DNAJC11: variants seen among roughly 807,000 people sequenced by gnomAD.
DNAJC11 encodes the protein DnaJ heat shock protein family (Hsp40) member C11.
In DNAJC11, 15 loss-of-function variants were observed where a neutral mutation model predicts 78.6. That is an observed-to-expected ratio of 0.19 (90% CI 0.13 to 0.29). The LOEUF (loss-of-function observed/expected upper bound fraction) is 0.29, where lower values mean the gene tolerates loss of function less well. DNAJC11 is among the 10% of genes least tolerant of loss of function. DNAJC11 has a pLI of 1.00. For synonymous variants in DNAJC11, 292 were observed against 272.1 expected, an observed-to-expected ratio of 1.07 and a Z score of -0.72; for missense variants, 547 against 709.6, an observed-to-expected ratio of 0.77 and a Z score of 2.60.
At chr1:6,656,824 G>A (rs2148735454) in intron 4 of DNAJC11, among the ~76,000 whole-genome samples, 1 of 152,002 alleles carries the variant, frequency 6.6e-6, no homozygotes, top group Admixed American at 6.6e-5. Context: ...TGGGAGGTGG[G>A]AGGATTCCTT....
chr1:6,680,844 G>A lies in DNAJC11; in HGVS notation c.202+64C>T, dbSNP rs1273667152. 8 of 1,582,400 alleles carry A rather than the reference G, an allele frequency of 5.1e-6. No individual in the cohort carries two copies. Among genetic ancestry groups the A allele is most frequent in the South Asian group, 2.3e-5 (2 of 88,086 alleles). ...TCTCTTTTTCTATCCTCTACAAATC[G>A]CACCTCCTAAAAATCGAATATCTGT... On this transcript the variant is annotated intron_variant, in intron 2 of 15. Coordinates refer to ENST00000377577, the MANE Select transcript of DNAJC11 (RefSeq NM_018198.4). This position sits in a 1 kb window ranked among gnomAD's most constrained non-coding sequence, Gnocchi z 4.0.
intron 4 of DNAJC11, among the ~76,000 whole-genome samples, chr1:6,664,742 A>C (rs1243261651): frequency 6.6e-6 from 1 of 152,190 alleles, no homozygotes; most frequent in African/African-American, 2.4e-5. Context: ...GTCTTTTCAC[A>C]ACTTGGCACA....
rs1402193771 is a variant in DNAJC11, at chr1:6,701,744, C to T, written c.57G>A (p.Leu19=). The change falls in exon 1 of 16, where the codon CTG becomes CTA. Residue 19 remains leucine (L), a synonymous_variant. Transcript: ENST00000377577. ...ELDNEDYYSL[L]NVRREASSEE... ...CTGGCCTCACCTCCCTGCGCACGTT[C>T]AGCAACGAGTAATAGTCTTCATTGT... 6.4e-6 allele frequency: 10 copies of T among 1,563,920 alleles called. No individual in the cohort carries two copies. The Middle Eastern group carries it at 1.0e-3, about 158-fold the overall frequency.
chr1:6,663,522 A>G (rs1642249590), intron 4 of DNAJC11, among the ~76,000 whole-genome samples: 2 of 152,242 alleles, frequency 1.3e-5, no homozygotes, highest in Non-Finnish European at 2.9e-5. Context: ...ACACTGTTAC[A>G]TGATCTTAAG....
At chr1:6,647,324 C>T (rs953124273) in intron 7 of DNAJC11, among the ~76,000 whole-genome samples, 1 of 151,846 alleles carries the variant, frequency 6.6e-6, no homozygotes, top group African/African-American at 2.4e-5. Flanking sequence ...CCCAGGTGAT[C>T]CACCTGCCTC....
Position 6,654,025 on chromosome 1 carries a change from A to G in DNAJC11, c.393T>C (p.Val131=), listed in dbSNP as rs779032147. The G allele has an allele frequency of 4.3e-6, 7 of 1,613,124 alleles. No homozygotes were observed. The Admixed American group carries it at 1.2e-4, about 27-fold the overall frequency. The change falls in exon 5 of 16, where the codon GTT becomes GTC. Residue 131 remains valine (V), a synonymous_variant. Coordinates refer to ENST00000377577, the MANE Select transcript of DNAJC11 (RefSeq NM_018198.4). The stretch of plus-strand genomic sequence containing the variant: ...CAAAAAGGTCGGTGGCATCTACTCC[A>G]ACGCTGATCGTTCCCTGGGGCAGAA... ...QRTNPKGTIS[V]GVDATDLFDR... is the part of the protein sequence containing the mutation.
intron 3 of DNAJC11, among the ~76,000 whole-genome samples, chr1:6,673,123 G>C (rs1296871360): frequency 6.8e-6 from 1 of 147,354 alleles, no homozygotes; most frequent in Non-Finnish European, 1.5e-5. Flanking sequence ...TTGAACCTAG[G>C]AGGCAGAGGT....
intron 1 of DNAJC11, among the ~76,000 whole-genome samples, chr1:6,688,325 CAAT>C (rs1443206852): frequency 6.6e-6 from 1 of 152,136 alleles, no homozygotes; most frequent in Non-Finnish European, 1.5e-5. Context: ...AAATTCCTTC[CAAT>C]AATAAGTTCC....
chr1:6,639,968 G>A lies in DNAJC11; in HGVS notation c.1187C>T (p.Pro396Leu). The change falls in exon 11 of 16, where the codon CCT (proline) becomes CTT (leucine). Residue 396 changes from proline (P) to leucine (L), a missense_variant. Pro to Leu is a moderately conservative substitution (Grantham distance 98). Coordinates refer to ENST00000377577, the MANE Select transcript of DNAJC11 (RefSeq NM_018198.4). Reference protein sequence around the residue: ...PSAMFYATVGPLVVYFAMHRL... With the variant: ...PSAMFYATVGLLVVYFAMHRL... ...GTGCATGGCAAAGTAGACCACTAGA[G>A]GCCCCACGGTGGCATAGAACATGGC... The A allele has an allele frequency of 6.2e-7, 1 of 1,613,688 alleles. No individual in the cohort carries two copies. The highest frequency in any genetic ancestry group is 8.5e-7 in the Non-Finnish European group (1 of 1,179,952).
intron 10 of DNAJC11, among the ~76,000 whole-genome samples, chr1:6,642,905 G>A (rs759187757): frequency 6.6e-6 from 1 of 152,124 alleles, no homozygotes; most frequent in Non-Finnish European, 1.5e-5. Flanking sequence ...TGAGTCCTCA[G>A]GGCATGAGAG....
intron 9 of DNAJC11, 141 bp from the exon 10 acceptor site, chr1:6,644,815 A>G (rs1400910035): frequency 1.2e-6 from 1 of 816,610 alleles, no homozygotes. Flanking sequence ...ATGACAGAAG[A>G]AAGTTGGGAC....
Position 6,699,787 on chromosome 1 carries a change from C to A in DNAJC11, c.72+1942G>T, listed in dbSNP as rs552201890. 1.1e-4 allele frequency among the ~76,000 whole-genome samples: 16 copies of A among 152,118 alleles called. No individual in the cohort carries two copies. In the South Asian group the frequency reaches 3.1e-3, roughly 30 times the overall value. On this transcript the variant is annotated intron_variant, in intron 1 of 15. Transcript: ENST00000377577. ...AAAAGGAAAAAAAGGAGTGATTAGC[C>A]CGAAGTGTTGATTAATGAGAACAAG...
At chr1:6,650,866 C>T (rs536164461) in intron 7 of DNAJC11, among the ~76,000 whole-genome samples, 1 of 152,156 alleles carries the variant, frequency 6.6e-6, no homozygotes, top group East Asian at 1.9e-4. Context: ...CAGAGCAAGA[C>T]CCTGTCTCCA....
intron 4 of DNAJC11, among the ~76,000 whole-genome samples, chr1:6,661,925 T>C (rs1170661720): frequency 6.6e-6 from 1 of 152,178 alleles, no homozygotes; most frequent in Non-Finnish European, 1.5e-5. Flanking sequence ...TTTTTATGGT[T>C]ACATGCCTTC....
chr1:6,648,953 G>A (rs1642010175), intron 7 of DNAJC11, among the ~76,000 whole-genome samples: 1 of 152,040 alleles, frequency 6.6e-6, no homozygotes, highest in South Asian at 2.1e-4. Flanking sequence ...CAGCACCCAG[G>A]TGATGCCCCA....
chr1:6,654,913 C>T (rs987378871), intron 4 of DNAJC11, among the ~76,000 whole-genome samples: 3 of 152,136 alleles, frequency 2.0e-5, no homozygotes, highest in South Asian at 2.1e-4. Flanking sequence ...ATTCTCCTGC[C>T]TTAGTCTCCC....
At chr1:6,655,742 G>A (rs2148734891) in intron 4 of DNAJC11, among the ~76,000 whole-genome samples, 1 of 152,198 alleles carries the variant, frequency 6.6e-6, no homozygotes, top group Middle Eastern at 3.4e-3. Context: ...CTGAAAGGTG[G>A]AGGTTTCAGT....
intron 10 of DNAJC11, among the ~76,000 whole-genome samples, chr1:6,643,351 C>A (rs1641910678): frequency 6.6e-6 from 1 of 150,922 alleles, no homozygotes; most frequent in Admixed American, 6.6e-5. Flanking sequence ...TCTCGACTCA[C>A]TGCAAGCTCT....
Position 6,652,080 on chromosome 1 carries a change from C to T in DNAJC11, c.631-478G>A, listed in dbSNP as rs192383016. Among the ~76,000 whole-genome samples, 156 of 152,342 alleles carry T rather than the reference C, an allele frequency of 1.0e-3. 1 individual carries two copies. The highest frequency in any genetic ancestry group is 1.4e-3 in the Non-Finnish European group (95 of 68,034). ...GGAGCCTGATGTTAAAGCCCAGCCG[C>T]GGTTCCACACCCGCACAGCCTTGGA... On this transcript the variant is annotated intron_variant, in intron 6 of 15. Coordinates refer to ENST00000377577, the MANE Select transcript of DNAJC11 (RefSeq NM_018198.4).
Sources: gnomAD v4.1 joint callset for allele counts (sites outside exome capture counted in the v4.1 genomes callset) on GRCh38, gnomAD v4.1.1 for gene constraint, Gnocchi (gnomAD v3.1) non-coding constraint, MANE v1.5 for transcripts, NCBI Gene and HGNC (gene_info 2026-07-23, HGNC 2026-07-21) for gene names.